STXBP5L: variants seen among roughly 807,000 people sequenced by gnomAD.
STXBP5L encodes syntaxin binding protein 5L, also known as syntaxin-binding protein 5-like.
In STXBP5L, 65 loss-of-function variants were observed where a neutral mutation model predicts 144.5. That is an observed-to-expected ratio of 0.45 (90% CI 0.37 to 0.55). The LOEUF (loss-of-function observed/expected upper bound fraction) is 0.55. Among genes scored for constraint, STXBP5L ranks in the 20% least tolerant of loss-of-function variants. STXBP5L has a pLI of 0.00. For synonymous variants in STXBP5L, 505 were observed against 469.6 expected, an observed-to-expected ratio of 1.08 and a Z score of -0.97; for missense variants, 1,298 against 1,405.5, an observed-to-expected ratio of 0.92 and a Z score of 1.22.
chr3:121,304,205 C>T (rs554647412), intron 19 of STXBP5L, among the ~76,000 whole-genome samples: 1 of 152,082 alleles, frequency 6.6e-6, no homozygotes, highest in Non-Finnish European at 1.5e-5. Flanking sequence ...TACATACTTG[C>T]ATAAACCTAA....
intron 20 of STXBP5L, among the ~76,000 whole-genome samples, chr3:121,358,208 C>A (rs565831042): frequency 6.6e-6 from 1 of 152,070 alleles, no homozygotes; most frequent in Non-Finnish European, 1.5e-5. Context: ...AGGTCTGATT[C>A]TTTCTTTCTA....
chr3:121,173,187 G>A (rs938729780), intron 9 of STXBP5L, among the ~76,000 whole-genome samples: 1 of 152,024 alleles, frequency 6.6e-6, no homozygotes, highest in African/African-American at 2.4e-5. Context: ...TAGGGGATGG[G>A]GGGCTAGCAG....
chr3:121,100,860 GA>G (rs77603040), intron 5 of STXBP5L, among the ~76,000 whole-genome samples: 20 of 150,330 alleles, frequency 1.3e-4, no homozygotes, highest in African/African-American at 7.3e-5. Context: ...GATTAACAAA[GA>G]AAAAAAAGAG....
intron 12 of STXBP5L, 75 bp downstream of exon 12, chr3:121,233,763 T>C (rs1288814859): frequency 1.7e-6 from 2 of 1,145,378 alleles, no homozygotes; most frequent in Non-Finnish European, 2.5e-6. Flanking sequence ...ATTCTTTTGA[T>C]AGGAAGTATT....
chr3:121,275,627 A>G (rs2108430390), intron 18 of STXBP5L, among the ~76,000 whole-genome samples: 1 of 152,178 alleles, frequency 6.6e-6, no homozygotes, highest in African/African-American at 2.4e-5. Context: ...TTAAAAGAGG[A>G]ATGTTTGCAT....
intron 20 of STXBP5L, among the ~76,000 whole-genome samples, chr3:121,332,492 G>C (rs1303525797): frequency 1.4e-5 from 2 of 147,920 alleles, no homozygotes; most frequent in Non-Finnish European, 3.0e-5. Context: ...TTTAACAGTA[G>C]ACTAGACCAA....
At chr3:120,973,214 G>A (rs923907897) in intron 3 of STXBP5L, among the ~76,000 whole-genome samples, 1 of 151,892 alleles carries the variant, frequency 6.6e-6, no homozygotes, top group African/African-American at 2.4e-5. Flanking sequence ...TTTTATTTTC[G>A]TAGGAGATTC....
intron 2 of STXBP5L, among the ~76,000 whole-genome samples, chr3:120,932,294 C>G (rs1709985393): frequency 6.6e-6 from 1 of 152,134 alleles, no homozygotes; most frequent in Non-Finnish European, 1.5e-5. Flanking sequence ...TTCTTATGCT[C>G]TTATTATTTA....
Position 121,152,539 on chromosome 3 carries a change from A to G in STXBP5L, c.732A>G (p.Glu244=). The change falls in exon 8 of 27, where the codon GAA becomes GAG. Residue 244 remains glutamate, a synonymous_variant. Transcript: ENST00000471454. ...GGGACTTGAAATCTAAAAGAGCAGA[A>G]CTGAGAGTTTATTATGATGAGGTAA... The part of the protein sequence containing the change: ...VFWDLKSKRA[E]LRVYYDEAIH... 6.2e-7 allele frequency: 1 copy of G among 1,607,614 alleles called. No individual in the cohort carries two copies. Among genetic ancestry groups the G allele is most frequent in the Admixed American group, 1.7e-5 (1 of 58,718 alleles).
At chr3:121,265,680 G>A (rs1342741131) in intron 18 of STXBP5L, among the ~76,000 whole-genome samples, 1 of 152,186 alleles carries the variant, frequency 6.6e-6, no homozygotes, top group South Asian at 2.1e-4. Context: ...AATGAATCCA[G>A]GAGCTGGTTT....
chr3:121,223,573 T>A (rs1260631599), intron 11 of STXBP5L, among the ~76,000 whole-genome samples: 1 of 152,182 alleles, frequency 6.6e-6, no homozygotes, highest in Non-Finnish European at 1.5e-5. Context: ...GCTGCATCTG[T>A]TTCACATCTG....
At chr3:121,250,226 T>C (rs915471349) in intron 14 of STXBP5L, among the ~76,000 whole-genome samples, 4 of 152,070 alleles carry the variant, frequency 2.6e-5, no homozygotes, top group Admixed American at 2.6e-4. Context: ...GGAAGTATTT[T>C]ATCTTCTTCT....
At chr3:121,026,563 G>T (rs888002945) in intron 3 of STXBP5L, among the ~76,000 whole-genome samples, 8 of 152,048 alleles carry the variant, frequency 5.3e-5, no homozygotes, top group Non-Finnish European at 1.0e-4. Flanking sequence ...TGGTTTGGCA[G>T]TTAGGTAATT....
chr3:121,094,092 G>T (rs970802655), intron 5 of STXBP5L, among the ~76,000 whole-genome samples: 11 of 151,942 alleles, frequency 7.2e-5, no homozygotes, highest in East Asian at 5.8e-4. Flanking sequence ...TTGAGTGAGT[G>T]TCTTAATCCT....
At chr3:121,048,156 G>A (rs1947655140) in intron 5 of STXBP5L, among the ~76,000 whole-genome samples, 1 of 152,082 alleles carries the variant, frequency 6.6e-6, no homozygotes, top group Admixed American at 6.6e-5. Flanking sequence ...GTTTTATTTA[G>A]TAAGGCTGAA....
intron 14 of STXBP5L, among the ~76,000 whole-genome samples, chr3:121,248,601 TTAGTC>T (rs2049933668): frequency 6.6e-6 from 1 of 152,130 alleles, no homozygotes; most frequent in African/African-American, 2.4e-5. Flanking sequence ...GGTTGTCTGT[TTAGTC>T]TGTTGATAGT....
At chr3:121,130,357 A>T (rs1365313580) in intron 7 of STXBP5L, among the ~76,000 whole-genome samples, 1 of 152,066 alleles carries the variant, frequency 6.6e-6, no homozygotes, top group Non-Finnish European at 1.5e-5. Flanking sequence ...GTTACATATT[A>T]TATTCACTGA....
chr3:121,073,745 A>G (rs1424879820), intron 5 of STXBP5L, among the ~76,000 whole-genome samples: 1 of 152,108 alleles, frequency 6.6e-6, no homozygotes, highest in African/African-American at 2.4e-5. Context: ...GCCTTATACA[A>G]TGGTTTTGCC....
At chr3:121,316,694 G>C (rs183227733) in intron 19 of STXBP5L, among the ~76,000 whole-genome samples, 1 of 152,158 alleles carries the variant, frequency 6.6e-6, no homozygotes, top group Non-Finnish European at 1.5e-5. Context: ...TACAAAGAGC[G>C]TGTGGCACAG....
Sources: allele counts gnomAD v4.1 joint callset (sites outside exome capture counted in the v4.1 genomes callset), GRCh38; gene constraint gnomAD v4.1.1; transcripts MANE v1.5; gene names NCBI Gene and HGNC (gene_info 2026-07-23, HGNC 2026-07-21).